WWOX: variants seen among roughly 807,000 people sequenced by gnomAD.
WWOX encodes the protein WW domain-containing oxidoreductase.
WWOX carries 69 observed loss-of-function variants against 46.2 expected under a neutral mutation model. The observed-to-expected ratio is 1.49, with a 90% CI of 1.23 to 1.82. The LOEUF is 1.82. WWOX is among the 40% of genes most tolerant of loss of function. The pLI is 0.00. For missense variants in WWOX, 919 were observed against 542.6 expected (o/e 1.69, Z -6.89); for synonymous variants, 359 against 202.6 (o/e 1.77, Z -6.56).
chr16:79,016,839 C>T (rs2047423590), intron 8 of WWOX: 1 of 152,166 alleles, frequency 6.6e-6, no homozygotes. Context: ...AGACTGACGT[C>T]GTGTTAACTG....
chr16:78,246,296 A>T (rs1052425654), intron 5 of WWOX, among the ~76,000 whole-genome samples: 1 of 152,196 alleles, frequency 6.6e-6, no homozygotes, highest in Non-Finnish European at 1.5e-5. Context: ...AGCCTCATAT[A>T]ACCCAGTTTG....
rs57222224 is a variant in WWOX, at chr16:79,188,253, C to T, written c.1057-23355C>T. ...TAAAAATGGAAACACACACTTTTGC[C>T]CTCTGTACCCAAAAGGAAATGTCGG... is the stretch of plus-strand genomic sequence containing the variant. On this transcript the variant is annotated intron_variant, in intron 8 of 8. Transcript: ENST00000566780. 6.8e-4 allele frequency among the ~76,000 whole-genome samples: 104 copies of T among 152,220 alleles called. 1 individual carries two copies. Among genetic ancestry groups the T allele is most frequent in the African/African-American group, 2.1e-3 (87 of 41,520 alleles).
intron 6 of WWOX, among the ~76,000 whole-genome samples, chr16:78,398,925 CT>C (rs2082349925): frequency 2.6e-5 from 4 of 152,146 alleles, no homozygotes; most frequent in Admixed American, 2.0e-4. Flanking sequence ...CATTTACTGC[CT>C]TCTAGTACAA....
intron 8 of WWOX, among the ~76,000 whole-genome samples, chr16:78,874,361 G>A (rs1336942947): frequency 1.3e-5 from 2 of 152,100 alleles, no homozygotes; most frequent in Admixed American, 1.3e-4. Context: ...TTGGGTGAGT[G>A]AGAGGCTAGG....
At chr16:78,641,532 A>G (rs2046710738) in intron 8 of WWOX, among the ~76,000 whole-genome samples, 1 of 152,174 alleles carries the variant, frequency 6.6e-6, no homozygotes. Context: ...AATGGGGAAA[A>G]GAACATGTAA....
chr16:78,630,396 C>T (rs2046399810), intron 8 of WWOX, among the ~76,000 whole-genome samples: 1 of 152,100 alleles, frequency 6.6e-6, no homozygotes, highest in Admixed American at 6.6e-5. Context: ...AAAAATAGGG[C>T]TCATGTGGAA....
chr16:78,748,199 C>A (rs1276413464), intron 8 of WWOX, among the ~76,000 whole-genome samples: 1 of 152,162 alleles, frequency 6.6e-6, no homozygotes, highest in Non-Finnish European at 1.5e-5. Context: ...GGCACCAAAG[C>A]TAGGGCAGTG....
intron 8 of WWOX, among the ~76,000 whole-genome samples, chr16:78,781,875 C>G (rs763000525): frequency 2.6e-5 from 4 of 152,210 alleles, no homozygotes; most frequent in Non-Finnish European, 5.9e-5. Flanking sequence ...GCATTGAACA[C>G]TTATTTGCTC....
At chr16:79,191,738 A>G (rs1399934276) in intron 8 of WWOX, among the ~76,000 whole-genome samples, 1 of 152,224 alleles carries the variant, frequency 6.6e-6, no homozygotes, top group South Asian at 2.1e-4. Flanking sequence ...TGCTCACCCA[A>G]AAGTAGTGGA....
chr16:78,266,136 C>A (rs2079357096), intron 5 of WWOX: 1 of 152,086 alleles, frequency 6.6e-6, no homozygotes, highest in Non-Finnish European at 1.5e-5. Flanking sequence ...TCAGATGTGG[C>A]CTGTCATGTT....
rs1555510742 is a variant in WWOX at position 78,262,113 on chromosome 16, A to AAT, written c.516+97825_516+97826insTA. Among the ~76,000 whole-genome samples the AAT allele has an allele frequency of 1.5e-3, 221 of 150,630 alleles. 1 individual carries two copies. The highest frequency in any genetic ancestry group is 4.1e-3 in the African/African-American group (168 of 41,204). On this transcript the variant is annotated intron_variant, in intron 5 of 8. Coordinates refer to ENST00000566780, the MANE Select transcript of WWOX (RefSeq NM_016373.4). Reference sequence around the variant, plus strand: ...AAACTCTGTCAAAAAAAAAAAAAAAAAAAAAAGAAGGAAAGAGGGAAATAT... The same window carrying AAT: ...AAACTCTGTCAAAAAAAAAAAAAAAAATAAAAAAGAAGGAAAGAGGGAAATAT...
chr16:78,518,727 G>T (rs77559152), intron 8 of WWOX, among the ~76,000 whole-genome samples: 2 of 152,218 alleles, frequency 1.3e-5, no homozygotes, highest in Non-Finnish European at 2.9e-5. Flanking sequence ...CAGCCACACA[G>T]AGAAGGTCCC....
Position 78,656,050 on chromosome 16 carries a change from G to T in WWOX, c.1056+223298G>T, listed in dbSNP as rs148227657. Among the ~76,000 whole-genome samples, 25 of 152,274 alleles carry T rather than the reference G, an allele frequency of 1.6e-4. 1 individual carries two copies. The highest frequency in any genetic ancestry group is 3.4e-3 in the Middle Eastern group (1 of 294). The stretch of plus-strand genomic sequence containing the variant: ...TACCAAAGGTCTGTTTTGAAATGGG[G>T]GTGTGGGTTATTCTTCTCTCTTTCT... On this transcript the variant is annotated intron_variant, in intron 8 of 8. Coordinates refer to ENST00000566780, the MANE Select transcript of WWOX (RefSeq NM_016373.4).
In WWOX at chr16:78,879,733, C is replaced by A. The variant is rs539560919; in HGVS notation, c.1057-331875C>A. Among the ~76,000 whole-genome samples, 6 of 152,090 alleles carry A rather than the reference C, an allele frequency of 3.9e-5. No homozygotes were observed. The East Asian group carries it at 1.2e-3, about 30-fold the overall frequency. On this transcript the variant is annotated intron_variant, in intron 8 of 8. Transcript: ENST00000566780. ...TCGTTACTAAAAATACAAAATTAGCCAGGCATGGTGGCACATGCCTGTAAT... is the reference window on the plus strand; with the variant it reads ...TCGTTACTAAAAATACAAAATTAGCAAGGCATGGTGGCACATGCCTGTAAT...
At chr16:78,195,672 A>C (rs935775776) in intron 5 of WWOX, among the ~76,000 whole-genome samples, 1 of 151,960 alleles carries the variant, frequency 6.6e-6, no homozygotes, top group Non-Finnish European at 1.5e-5. Context: ...AAATACAAAA[A>C]TTAGCCAGAC....
chr16:79,094,363 C>A (rs1166267428), intron 8 of WWOX, among the ~76,000 whole-genome samples: 1 of 151,876 alleles, frequency 6.6e-6, no homozygotes, highest in Admixed American at 6.6e-5. Context: ...AATTCCCCTG[C>A]CTTAGCCTCC....
intron 8 of WWOX, chr16:78,996,432 A>T (rs1186435613): frequency 2.8e-6 from 2 of 704,016 alleles, no homozygotes; most frequent in Non-Finnish European, 3.4e-6. Flanking sequence ...TTTGCAAAGA[A>T]TGGAGGCATA....
chr16:78,529,537 G>A (rs1464303745), intron 8 of WWOX, among the ~76,000 whole-genome samples: 6 of 152,090 alleles, frequency 3.9e-5, no homozygotes, highest in Admixed American at 3.9e-4. Context: ...CAAGATCCCT[G>A]CTCACTGCAA....
At chr16:78,328,191 T>G (rs1488915963) in intron 5 of WWOX, among the ~76,000 whole-genome samples, 2 of 152,010 alleles carry the variant, frequency 1.3e-5, no homozygotes, top group Non-Finnish European at 2.9e-5. Context: ...TTCTTAAATT[T>G]CACAGTCCCT....
Sources: gnomAD v4.1 joint callset for allele counts (sites outside exome capture counted in the v4.1 genomes callset) on GRCh38, gnomAD v4.1.1 for gene constraint, MANE v1.5 for transcripts, NCBI Gene and HGNC (gene_info 2026-07-23, HGNC 2026-07-21) for gene names.